Variants in TMEM151B observed in about 807,000 individuals in gnomAD.
The protein encoded by TMEM151B is transmembrane protein 151B, also known as transmembrane protein 193.
TMEM151B carries 18 observed loss-of-function variants against 33.0 expected under a neutral mutation model. The ratio of observed to expected loss-of-function variants is 0.55; its 90% CI spans 0.38 to 0.81. The LOEUF is 0.81. Ranked by LOEUF, TMEM151B falls within the 30% of genes least tolerant of loss-of-function variation. The pLI, the probability that TMEM151B is intolerant of heterozygous loss-of-function variation, is 0.00. For missense variants in TMEM151B, 672 were observed against 843.4 expected (o/e 0.80, Z 2.52); for synonymous variants, 354 against 373.6 (o/e 0.95, Z 0.61).
chr6:44,275,769 C>A lies in TMEM151B; in HGVS notation c.943C>A (p.Arg315=). ...GCTGCTCACGCTGTCGTGGCCGCTGCGAGTGCTGGCCGAGTACCGCACGGC... is the reference window on the plus strand; with the variant it reads ...GCTGCTCACGCTGTCGTGGCCGCTGAGAGTGCTGGCCGAGTACCGCACGGC... ...AALLTLSWPL[R]VLAEYRTAYA... The change falls in exon 3 of 3, where the codon CGA becomes AGA. Residue 315 remains arginine, a synonymous_variant. Coordinates refer to ENST00000451188, the MANE Select transcript of TMEM151B (RefSeq NM_001137560.2). The A allele has an allele frequency of 6.5e-7, 1 of 1,543,714 alleles. No homozygotes were observed. Among genetic ancestry groups the A allele is most frequent in the South Asian group, 1.2e-5 (1 of 83,866 alleles).
At position 44,276,024 on chromosome 6, in the gene TMEM151B, A is replaced by T; in HGVS notation, c.1198A>T (p.Thr400Ser). ...GCTCATGGACCTGGCGGGGCTCGGG[A>T]CGCGCTGCGGCGGGGCAGGCGGCGG... ...AVLMDLAGLG[T>S]RCGGAGGGYA... is the part of the protein sequence containing the mutation. The change falls in exon 3 of 3, where the codon ACG becomes TCG. Residue 400 changes from threonine to serine, a missense_variant. Physicochemically the swap from Thr to Ser is moderately conservative, Grantham distance 58 (BLOSUM62 1). This residue lies in a region of TMEM151B where 324 missense variants were observed against 363.1 expected (regional missense o/e 0.89). Coordinates refer to ENST00000451188, the MANE Select transcript of TMEM151B (RefSeq NM_001137560.2). 1 of 1,345,220 alleles carries T rather than the reference A, an allele frequency of 7.4e-7. No homozygotes were observed. Among genetic ancestry groups the T allele is most frequent in the Non-Finnish European group, 9.5e-7 (1 of 1,050,304 alleles). 83.3% of individuals were successfully genotyped at this position (1,345,220 alleles called of 1,614,324 possible). A position where few individuals can be genotyped will look rare whatever the true frequency, so the allele number is the denominator to read the frequency against.
At chr6:44,273,606 G>C in intron 2 of TMEM151B, 100 bp downstream of exon 2, 1 of 1,303,478 alleles carries the variant, frequency 7.7e-7, no homozygotes, top group Admixed American at 2.6e-5. Context: ...GGTGGGAGGA[G>C]CAAAAGGCAG....
In TMEM151B at chr6:44,275,618, C is replaced by G; in HGVS notation, c.792C>G (p.Asp264Glu). 6.4e-7 allele frequency: 1 copy of G among 1,551,270 alleles called. No homozygotes were observed. Among genetic ancestry groups the G allele is most frequent in the Non-Finnish European group, 8.7e-7 (1 of 1,146,752 alleles). The change falls in exon 3 of 3, where the codon GAC becomes GAG. Residue 264 changes from aspartate to glutamate, a missense_variant. Asp to Glu is a conservative substitution (Grantham distance 45). Transcript: ENST00000451188. Reference sequence around the variant, plus strand: ...TCTTCGCAGAGAACGAGGGCCTAGACGACTACATGGAGGCACGCGAGGGCA... The same window carrying G: ...TCTTCGCAGAGAACGAGGGCCTAGAGGACTACATGGAGGCACGCGAGGGCA... ...ARFFAENEGL[D>E]DYMEAREGMH... is the part of the protein sequence containing the mutation.
In TMEM151B at chr6:44,275,822, A is replaced by G. The variant is rs3734710; in HGVS notation, c.996A>G (p.Leu332=). ...TAYAHYHVEK[L]FGLEGPGSAS... is the part of the protein sequence containing the mutation. ...ACGCGCACTACCACGTGGAGAAGCT[A>G]TTTGGCCTGGAGGGCCCGGGCTCGG... The change falls in exon 3 of 3, where the codon CTA becomes CTG. Residue 332 remains leucine, a synonymous_variant. Coordinates refer to ENST00000451188, the MANE Select transcript of TMEM151B (RefSeq NM_001137560.2). 1,029,061 of 1,541,710 alleles carry G rather than the reference A, an allele frequency of 0.67. 345,991 individuals are homozygous for G. The highest frequency in any genetic ancestry group is 0.77 in the Admixed American group (39,158 of 50,906).
In TMEM151B at chr6:44,279,397, T is replaced by G. The variant is rs1196094745; in HGVS notation, c.*2870T>G. 1.3e-5 allele frequency: 2 copies of G among 152,144 alleles called. No individual in the cohort carries two copies. The highest frequency in any genetic ancestry group is 6.5e-5 in the Admixed American group (1 of 15,276). 9.4% of individuals were successfully genotyped at this position (152,144 alleles called of 1,614,324 possible). ...TTTGTCGTGGATTTAAGCGCAAAGA[T>G]TGTACAAATCAAACTGGTGGATAAT... is the stretch of plus-strand genomic sequence containing the variant. On this transcript the variant is annotated 3_prime_UTR_variant, in exon 3 of 3. Transcript: ENST00000451188.
At chr6:44,272,984 T>A in intron 1 of TMEM151B, 82 bp from the exon 2 acceptor site, 1 of 1,215,186 alleles carries the variant, frequency 8.2e-7, no homozygotes, top group Non-Finnish European at 1.1e-6. Flanking sequence ...TGCCCCTCCA[T>A]CCCCGTATCC....
In TMEM151B at chr6:44,273,384, C is replaced by T. The variant is rs1203871431; in HGVS notation, c.454C>T (p.Arg152Cys). ...HRVDVSSVRERVGRMQQATPC... is the reference protein window; with the variant it reads ...HRVDVSSVRECVGRMQQATPC... ...TGTTGATGTGAGCAGTGTGCGGGAACGTGTGGGCCGCATGCAGCAAGCCAC... is the reference window on the plus strand; with the variant it reads ...TGTTGATGTGAGCAGTGTGCGGGAATGTGTGGGCCGCATGCAGCAAGCCAC... The change falls in exon 2 of 3, where the codon CGT (arginine) becomes TGT (cysteine). Residue 152 changes from arginine (R) to cysteine (C), a missense_variant. By Grantham distance (180) the Arg-to-Cys change is radical. Coordinates refer to ENST00000451188, the MANE Select transcript of TMEM151B (RefSeq NM_001137560.2). 7.1e-6 allele frequency: 11 copies of T among 1,551,360 alleles called. No individual in the cohort carries two copies. Among genetic ancestry groups the T allele is most frequent in the African/African-American group, 2.7e-5 (2 of 73,188 alleles).
chr6:44,276,372 G>C lies in TMEM151B; in HGVS notation c.1546G>C (p.Asp516His). 1 of 1,512,626 alleles carries C rather than the reference G, an allele frequency of 6.6e-7. No homozygotes were observed. Among genetic ancestry groups the C allele is most frequent in the South Asian group, 1.2e-5 (1 of 81,412 alleles). The allele number at this position is 1,512,626 out of a possible 1,614,324, so 93.7% of individuals were successfully genotyped here. Residue 516 changes from aspartate to histidine, a missense_variant, in exon 3 of 3, where the codon GAC (aspartate) becomes CAC (histidine). By Grantham distance (81) the Asp-to-His change is moderately conservative. This residue lies in a region of TMEM151B where 324 missense variants were observed against 363.1 expected (regional missense o/e 0.89). Transcript: ENST00000451188. ...GTCCAGCCAGGCCAGCATGGGGGAC[G>C]ACGAGGACGACGACGAGGAGGAGGC... ...RLSSQASMGD[D>H]EDDDEEEAGP...
intron 2 of TMEM151B, among the ~76,000 whole-genome samples, chr6:44,274,736 AAC>A (rs900020181): frequency 6.6e-6 from 1 of 152,162 alleles, no homozygotes; most frequent in African/African-American, 2.4e-5. Flanking sequence ...CACTTTGGAA[AAC>A]AGAGGCAGTG....
Position 44,276,920 on chromosome 6 carries a change from T to C in TMEM151B, c.*393T>C, listed in dbSNP as rs1409363321. 1 of 172,676 alleles carries C rather than the reference T, an allele frequency of 5.8e-6. No individual in the cohort carries two copies. The highest frequency in any genetic ancestry group is 1.5e-4 in the East Asian group (1 of 6,476). The allele number at this position is 172,676 out of a possible 1,614,324, so 10.7% of individuals were successfully genotyped here. A position where few individuals can be genotyped will look rare whatever the true frequency, so the allele number is the denominator to read the frequency against. On this transcript the variant is annotated 3_prime_UTR_variant, in exon 3 of 3. Coordinates refer to ENST00000451188, the MANE Select transcript of TMEM151B (RefSeq NM_001137560.2). ...GCATGCGGATGGGAGATTTAGAGGCTGTGGAGAAGGGAACTTGGGGCTTTC... is the reference window on the plus strand; with the variant it reads ...GCATGCGGATGGGAGATTTAGAGGCCGTGGAGAAGGGAACTTGGGGCTTTC...
rs1339317673 is a variant in TMEM151B at position 44,273,477 on chromosome 6, C to T, written c.547C>T (p.Arg183Cys). The change falls in exon 2 of 3, where the codon CGC becomes TGC. Residue 183 changes from arginine to cysteine, a missense_variant. Physicochemically the swap from Arg to Cys is radical, Grantham distance 180. Coordinates refer to ENST00000451188, the MANE Select transcript of TMEM151B (RefSeq NM_001137560.2). The stretch of plus-strand genomic sequence containing the variant: ...CCGCACCCGCCAGGTCACCAGATAC[C>T]GCAATGGAGACGCCTATACCACCAC... ...VRRTRQVTRY[R>C]NGDAYTTTQV... 9 of 1,549,892 alleles carry T rather than the reference C, an allele frequency of 5.8e-6. No homozygotes were observed. Among genetic ancestry groups the T allele is most frequent in the Non-Finnish European group, 7.0e-6 (8 of 1,146,128 alleles).
chr6:44,278,863 G>A lies in TMEM151B; in HGVS notation c.*2336G>A, dbSNP rs926273807. 1 of 99,824 alleles carries A rather than the reference G, an allele frequency of 1.0e-5. No homozygotes were observed. Among genetic ancestry groups the A allele is most frequent in the Non-Finnish European group, 2.1e-5 (1 of 47,396 alleles). 6.2% of individuals were successfully genotyped at this position (99,824 alleles called of 1,614,324 possible). A position where few individuals can be genotyped will look rare whatever the true frequency, so the allele number is the denominator to read the frequency against. On this transcript the variant is annotated 3_prime_UTR_variant, in exon 3 of 3. Transcript: ENST00000451188. The stretch of plus-strand genomic sequence containing the variant: ...CTAATTAGAACTTCTGCTAGCAGCT[G>A]TGGCTATACACACACACACACACAC...
chr6:44,274,285 T>C (rs1561917635), intron 2 of TMEM151B, among the ~76,000 whole-genome samples: 1 of 152,148 alleles, frequency 6.6e-6, no homozygotes, highest in Non-Finnish European at 1.5e-5. Context: ...TTCAGTGAGG[T>C]GACTGCTACT....
Position 44,275,573 on chromosome 6 carries a change from C to A in TMEM151B, c.747C>A (p.Tyr249Ter). Residue 249 changes from tyrosine to a stop codon, truncating the protein, a stop_gained, in exon 3 of 3, where the codon TAC becomes TAA. Coordinates refer to ENST00000451188, the MANE Select transcript of TMEM151B (RefSeq NM_001137560.2). LOFTEE classifies it high-confidence loss of function. Reference sequence around the variant, plus strand: ...CCAGCGTGGAGGCCGAGAACGCGTACCTGTGCCAGCGCGCGCGCTTCTTCG... The same window carrying A: ...CCAGCGTGGAGGCCGAGAACGCGTAACTGTGCCAGCGCGCGCGCTTCTTCG... ...SFASVEAENA[Y>*]LCQRARFFAE... 6.4e-7 allele frequency: 1 copy of A among 1,550,944 alleles called. No homozygotes were observed. The highest frequency in any genetic ancestry group is 8.7e-7 in the Non-Finnish European group (1 of 1,146,696).
chr6:44,276,126 G>A lies in TMEM151B; in HGVS notation c.1300G>A (p.Glu434Lys). ...AGVAPYRRSC[E>K]HCQRAVSSSS... Reference sequence around the variant, plus strand: ...CGTGGCTCCCTACCGGCGCAGCTGCGAGCACTGCCAGCGCGCCGTCAGCAG... The same window carrying A: ...CGTGGCTCCCTACCGGCGCAGCTGCAAGCACTGCCAGCGCGCCGTCAGCAG... The change falls in exon 3 of 3, where the codon GAG becomes AAG. Residue 434 changes from glutamate (E) to lysine (K), a missense_variant. By Grantham distance (56) the Glu-to-Lys change is moderately conservative (BLOSUM62 1). Around this residue, in one of 3 missense-constraint regions of TMEM151B, gnomAD observed 324 missense variants for 363.1 expected, o/e 0.89. Coordinates refer to ENST00000451188, the MANE Select transcript of TMEM151B (RefSeq NM_001137560.2). 1.5e-6 allele frequency: 2 copies of A among 1,317,908 alleles called. No homozygotes were observed. Among genetic ancestry groups the A allele is most frequent in the Non-Finnish European group, 1.9e-6 (2 of 1,042,088 alleles). 81.6% of individuals were successfully genotyped at this position (1,317,908 alleles called of 1,614,324 possible).
Position 44,270,733 on chromosome 6 carries a change from C to T in TMEM151B, c.-10C>T. The T allele has an allele frequency of 9.2e-7, 1 of 1,081,208 alleles. No homozygotes were observed. The highest frequency in any genetic ancestry group is 1.1e-6 in the Non-Finnish European group (1 of 880,056). The allele number at this position is 1,081,208 out of a possible 1,614,324, so 67.0% of individuals were successfully genotyped here. A position where few individuals can be genotyped will look rare whatever the true frequency, so the allele number is the denominator to read the frequency against. ...GGGAGGTCCTGAGCTCGACGCGCCC[C>T]CTCTACGCCATGTCCCCCCCTGGCT... is the stretch of plus-strand genomic sequence containing the variant. On this transcript the variant is annotated 5_prime_UTR_variant, in exon 1 of 3. Coordinates refer to ENST00000451188, the MANE Select transcript of TMEM151B (RefSeq NM_001137560.2).
chr6:44,273,070 G>T lies in TMEM151B; in HGVS notation c.140G>T (p.Arg47Leu). ...ADEGPAREEQ[R>L]PIQPSFTKSL... ...TCTCCCTGCCCACCTGAGCAGCAGC[G>T]TCCCATCCAGCCCTCTTTCACCAAG... is the stretch of plus-strand genomic sequence containing the variant. The change falls in exon 2 of 3, where the codon CGT (arginine) becomes CTT (leucine). Residue 47 changes from arginine (R) to leucine (L), a missense_variant. Physicochemically the swap from Arg to Leu is moderately radical, Grantham distance 102. Around this residue, in one of 3 missense-constraint regions of TMEM151B, gnomAD observed 285 missense variants for 423.1 expected, o/e 0.67. Transcript: ENST00000451188. 1 of 1,490,612 alleles carries T rather than the reference G, an allele frequency of 6.7e-7. No homozygotes were observed. The highest frequency in any genetic ancestry group is 2.1e-5 in the Admixed American group (1 of 47,470). The allele number at this position is 1,490,612 out of a possible 1,614,324, so 92.3% of individuals were successfully genotyped here. A position where few individuals can be genotyped will look rare whatever the true frequency, so the allele number is the denominator to read the frequency against.
At chr6:44,270,930 T>C in intron 1 of TMEM151B, 53 bp downstream of exon 1, 1 of 1,017,798 alleles carries the variant, frequency 9.8e-7, no homozygotes, top group Non-Finnish European at 1.2e-6. Flanking sequence ...TGGCCCCCCA[T>C]CCCCCATCGC....
In TMEM151B at chr6:44,273,462, C is replaced by T; in HGVS notation, c.532C>T (p.Gln178Ter). Residue 178 changes from glutamine to a stop codon, truncating the protein, a stop_gained, in exon 2 of 3, where the codon CAG (glutamine) becomes TAG (stop). Coordinates refer to ENST00000451188, the MANE Select transcript of TMEM151B (RefSeq NM_001137560.2). LOFTEE classifies it high-confidence loss of function. ...ISYHYVRRTR[Q>*]VTRYRNGDAY... ...CTACCACTATGTCCGCCGCACCCGC[C>T]AGGTCACCAGATACCGCAATGGAGA... 1 of 1,550,840 alleles carries T rather than the reference C, an allele frequency of 6.4e-7. No homozygotes were observed. The highest frequency in any genetic ancestry group is 1.2e-5 in the South Asian group (1 of 84,054).
Sources: allele counts gnomAD v4.1 joint callset (sites outside exome capture counted in the v4.1 genomes callset), GRCh38; gene constraint gnomAD v4.1.1; regional missense constraint gnomAD v4.1.1; transcripts MANE v1.5; gene names NCBI Gene and HGNC (gene_info 2026-07-23, HGNC 2026-07-21).